The following MAP2K3 variants were observed in gnomAD, a reference collection of about 807,000 sequenced individuals.
MAP2K3 encodes the protein dual specificity mitogen-activated protein kinase kinase 3.
A neutral mutation model predicts 46.4 loss-of-function variants in MAP2K3; 30 were observed. The ratio of observed to expected loss-of-function variants is 0.65; its 90% confidence interval spans 0.48 to 0.88. The LOEUF is 0.88. MAP2K3 is among the 40% of genes least tolerant of loss of function. The pLI, the probability that MAP2K3 is intolerant of heterozygous loss-of-function variation, is 0.00. For missense variants in MAP2K3, 380 were observed against 464.5 expected, an observed-to-expected ratio of 0.82 and a Z score of 1.67; for synonymous variants, 189 against 176.3, an observed-to-expected ratio of 1.07 and a Z score of -0.57.
At chr17:21,300,839 C>G (rs755434893) in intron 4 of MAP2K3, 35 bp from the exon 5 acceptor site, 1 of 1,613,650 alleles carries the variant, frequency 6.2e-7, no homozygotes, top group African/African-American at 1.3e-5. Context: ...TGGCCTCTGC[C>G]ACGGCAACCT....
At chr17:21,303,058 G>A (rs1976693918) in intron 6 of MAP2K3, 125 bp from the exon 7 acceptor site, 2 of 1,262,908 alleles carry the variant, frequency 1.6e-6, no homozygotes, top group Non-Finnish European at 1.1e-6. Context: ...ATGAGAGGGT[G>A]CGTAGCCTGT....
chr17:21,294,466 C>T (rs1976127497), intron 1 of MAP2K3, among the ~76,000 whole-genome samples: 1 of 152,310 alleles, frequency 6.6e-6, no homozygotes, highest in Non-Finnish European at 1.5e-5. Context: ...CTTAGAGGGT[C>T]ACACAGCTTG....
Position 21,303,183 on chromosome 17 carries a change from A to G in MAP2K3, c.517A>G (p.Ile173Val). ...TCCCTCCTCCCCACCCCACCGCCAG[A>G]TCGTGCGGGCCCTGGAGCATCTGCA... ...EDILGEIAVS[I>V]VRALEHLHSK... The change falls in exon 7 of 12, where the codon ATC becomes GTC. Residue 173 changes from isoleucine to valine, a missense_variant and splice_region_variant. Physicochemically the swap from Ile to Val is conservative, Grantham distance 29. Coordinates refer to ENST00000342679, the MANE Select transcript of MAP2K3 (RefSeq NM_145109.3). The G allele has an allele frequency of 6.2e-7, 1 of 1,614,250 alleles. No homozygotes were observed. The highest frequency in any genetic ancestry group is 2.2e-5 in the East Asian group (1 of 44,894).
intron 10 of MAP2K3, among the ~76,000 whole-genome samples, chr17:21,312,862 C>G (rs1240973172): frequency 6.6e-6 from 1 of 151,266 alleles, no homozygotes; most frequent in Non-Finnish European, 1.5e-5. Flanking sequence ...TTGCAGTGAG[C>G]CTGAGCCGAG....
chr17:21,303,926 TG>T (rs950194202), intron 7 of MAP2K3, among the ~76,000 whole-genome samples: 70 of 152,402 alleles, frequency 4.6e-4, no homozygotes, highest in African/African-American at 1.6e-3. Context: ...CACATCCCCA[TG>T]GAGGGCACGG....
At chr17:21,300,156 G>C (rs1411730147) in intron 3 of MAP2K3, among the ~76,000 whole-genome samples, 1 of 151,740 alleles carries the variant, frequency 6.6e-6, no homozygotes, top group African/African-American at 2.4e-5. Context: ...TGTTGTCACT[G>C]TGTCCCCAGT....
At chr17:21,301,105 A>G (rs1158584243) in intron 5 of MAP2K3, 112 bp downstream of exon 5, 2 of 1,560,896 alleles carry the variant, frequency 1.3e-6, no homozygotes, top group Non-Finnish European at 8.7e-7. Flanking sequence ...CACCTGGCAT[A>G]CTGGCAGGAG....
chr17:21,304,589 G>A (rs761394003), intron 8 of MAP2K3, 36 bp downstream of exon 8: 1 of 1,613,894 alleles, frequency 6.2e-7, no homozygotes, highest in Non-Finnish European at 8.5e-7. Context: ...CTCAGGAGAG[G>A]ATGGGGCGGG....
intron 1 of MAP2K3, among the ~76,000 whole-genome samples, chr17:21,295,013 C>T (rs1278347422): frequency 6.6e-6 from 1 of 152,310 alleles, no homozygotes; most frequent in Admixed American, 6.5e-5. Context: ...GAGAAGCCAT[C>T]AGGCCACAGG....
At chr17:21,296,330 G>C in intron 1 of MAP2K3, 1 of 589,868 alleles carries the variant, frequency 1.7e-6, no homozygotes. Context: ...CAAGCCCAGA[G>C]CCTCAGAAGT....
intron 1 of MAP2K3, among the ~76,000 whole-genome samples, chr17:21,290,252 G>A (rs553591248): frequency 3.0e-4 from 46 of 152,272 alleles, no homozygotes; most frequent in Middle Eastern, 6.8e-3. Context: ...TTGCTTTGGC[G>A]GTGTCAGTTG....
intron 1 of MAP2K3, among the ~76,000 whole-genome samples, chr17:21,294,312 G>A (rs1374258471): frequency 6.6e-6 from 1 of 152,312 alleles, no homozygotes; most frequent in East Asian, 1.9e-4. Context: ...TCAGGTGAGG[G>A]CAGTGAACTA....
At chr17:21,292,406 C>T (rs1224310921) in intron 1 of MAP2K3, among the ~76,000 whole-genome samples, 2 of 148,000 alleles carry the variant, frequency 1.4e-5, no homozygotes, top group East Asian at 2.0e-4. Flanking sequence ...TTTTTTGAGA[C>T]AGTGTCTTGC....
Position 21,314,179 on chromosome 17 carries a change from G to T in MAP2K3, c.993G>T (p.Lys331Asn), listed in dbSNP as rs201112044. 106 of 1,614,064 alleles carry T rather than the reference G, an allele frequency of 6.6e-5. No homozygotes were observed. The East Asian group carries it at 1.8e-3, about 27-fold the overall frequency. Residue 331 changes from lysine (K) to asparagine (N), a missense_variant, in exon 12 of 12, where the codon AAG becomes AAT. Lys to Asn is a moderately conservative substitution (Grantham distance 94). This residue lies in a region of MAP2K3 where 63 missense variants were observed against 81.6 expected (regional missense o/e 0.77). Coordinates refer to ENST00000342679, the MANE Select transcript of MAP2K3 (RefSeq NM_145109.3). ...CCTTCTTCACCTTGCACAAAACCAA[G>T]AAGACGGACATTGCTGCCTTCGTGA... The part of the protein sequence containing the change: ...EHPFFTLHKT[K>N]KTDIAAFVKE...
intron 9 of MAP2K3, among the ~76,000 whole-genome samples, chr17:21,305,391 G>A (rs1976843110): frequency 6.6e-6 from 1 of 152,282 alleles, no homozygotes; most frequent in Non-Finnish European, 1.5e-5. Context: ...CTTGGTGCTT[G>A]TTGAGAAATC....
In MAP2K3 at chr17:21,302,277, GCT is replaced by G; in HGVS notation, c.516+19_516+20del. 1 of 1,610,934 alleles carries G rather than the reference GCT, an allele frequency of 6.2e-7. No homozygotes were observed. Among genetic ancestry groups the G allele is most frequent in the Non-Finnish European group, 8.5e-7 (1 of 1,177,130 alleles). ...CTGTGTCTGTGAGTGGCCTGGGTGG[GCT>G]GGCGGGGGGTCCTAGGTGCATAGGC... is the stretch of plus-strand genomic sequence containing the variant. On this transcript the variant is annotated intron_variant, in intron 6 of 11. Coordinates refer to ENST00000342679, the MANE Select transcript of MAP2K3 (RefSeq NM_145109.3).
At chr17:21,298,530 C>G (rs1286799833) in intron 2 of MAP2K3, 51 bp downstream of exon 2, 2 of 1,614,074 alleles carry the variant, frequency 1.2e-6, no homozygotes, top group East Asian at 2.2e-5. Flanking sequence ...GCTTCCCGAA[C>G]AGGGCTCAAT....
chr17:21,291,232 A>T (rs1975906300), intron 1 of MAP2K3, among the ~76,000 whole-genome samples: 1 of 152,286 alleles, frequency 6.6e-6, no homozygotes, highest in African/African-American at 2.4e-5. Context: ...CAATAGAGAG[A>T]GAATCGTCTC....
At chr17:21,296,240 T>A in intron 1 of MAP2K3, 1 of 1,267,016 alleles carries the variant, frequency 7.9e-7, no homozygotes, top group Non-Finnish European at 1.0e-6. Context: ...CGAGCTGTTT[T>A]GTACATGAGG....
Sources: allele counts gnomAD v4.1 joint callset (sites outside exome capture counted in the v4.1 genomes callset), GRCh38; gene constraint gnomAD v4.1.1; regional missense constraint gnomAD v4.1.1; transcripts MANE v1.5; gene names NCBI Gene and HGNC (gene_info 2026-07-23, HGNC 2026-07-21).